The following CRAT variants were observed in gnomAD, a reference collection of about 807,000 sequenced individuals.
CRAT encodes the protein carnitine O-acetyltransferase, also known as carnitine acetylase.
CRAT carries 66 observed loss-of-function variants against 73.7 expected under a neutral mutation model. The observed-to-expected ratio is 0.90, with a 90% CI of 0.73 to 1.10. The LOEUF (loss-of-function observed/expected upper bound fraction) is 1.10. Ranked by LOEUF, CRAT falls within the 50% of genes least tolerant of loss-of-function variation. CRAT has a pLI of 0.00. For missense variants in CRAT, 745 were observed against 846.9 expected, an observed-to-expected ratio of 0.88 and a Z score of 1.49; for synonymous variants, 321 against 343.2, an observed-to-expected ratio of 0.94 and a Z score of 0.71.
intron 8 of CRAT, 22 bp downstream of exon 8, chr9:129,099,844 C>G: frequency 6.4e-7 from 1 of 1,574,212 alleles, no homozygotes; most frequent in Non-Finnish European, 8.7e-7. Flanking sequence ...GGGAACTAGG[C>G]GAGAGATGTG....
chr9:129,101,360 A>G (rs1847661862), intron 6 of CRAT, among the ~76,000 whole-genome samples: 1 of 152,198 alleles, frequency 6.6e-6, no homozygotes. Flanking sequence ...AAGCCAGAAG[A>G]GGCCACGGAG....
rs879217259 is a variant in CRAT at position 129,110,707 on chromosome 9, G to A, written c.-198C>T. The stretch of plus-strand genomic sequence containing the variant: ...GAGCGGGCTGCGGGAAGGCACCCGG[G>A]GAGGAGGACTCGCGAGGCGGGGCCT... On this transcript the variant is annotated 5_prime_UTR_variant, in exon 1 of 14. Transcript: ENST00000318080. The surrounding 1 kb of genome is among the most constrained non-coding windows in gnomAD (Gnocchi z 5.3). 15 of 663,496 alleles carry A rather than the reference G, an allele frequency of 2.3e-5. No homozygotes were observed. Among genetic ancestry groups the A allele is most frequent in the Middle Eastern group, 4.3e-4 (1 of 2,316 alleles). The allele number at this position is 663,496 out of a possible 1,614,324, so 41.1% of individuals were successfully genotyped here.
chr9:129,095,831 C>T (rs905396674), intron 13 of CRAT, among the ~76,000 whole-genome samples, 167 bp downstream of exon 13: 2 of 152,262 alleles, frequency 1.3e-5, no homozygotes, highest in Non-Finnish European at 2.9e-5. Flanking sequence ...ATGAGGAGCA[C>T]TGACCCCTTC....
At chr9:129,109,765 G>A (rs1485059777) in intron 1 of CRAT, among the ~76,000 whole-genome samples, 2 of 152,166 alleles carry the variant, frequency 1.3e-5, no homozygotes, top group African/African-American at 4.8e-5. Flanking sequence ...GACAGAGTGA[G>A]ACACCAGCAA....
chr9:129,108,444 C>T, intron 1 of CRAT: 1 of 1,172,478 alleles, frequency 8.5e-7, no homozygotes, highest in Non-Finnish European at 1.1e-6. Flanking sequence ...TGGTGACTGT[C>T]CCTCTTGGAG....
At chr9:129,104,087 G>T in intron 3 of CRAT, 101 bp downstream of exon 3, 1 of 710,440 alleles carries the variant, frequency 1.4e-6, no homozygotes, top group Non-Finnish European at 2.4e-6. Flanking sequence ...GGCTGCTTGT[G>T]GGGCAGAAAG....
Position 129,095,193 on chromosome 9 carries a change from C to G in CRAT, c.*204G>C. On this transcript the variant is annotated 3_prime_UTR_variant, in exon 14 of 14. Coordinates refer to ENST00000318080, the MANE Select transcript of CRAT (RefSeq NM_000755.5). ...CTCTGCACTCAGCCCCAGGTCGGGCCCTGGCAGGTGCTGGGATGACCCACG... is the reference window on the plus strand; with the variant it reads ...CTCTGCACTCAGCCCCAGGTCGGGCGCTGGCAGGTGCTGGGATGACCCACG... 1.6e-6 allele frequency: 1 copy of G among 621,512 alleles called. No individual in the cohort carries two copies. The highest frequency in any genetic ancestry group is 2.8e-6 in the Non-Finnish European group (1 of 358,116). 38.5% of individuals were successfully genotyped at this position (621,512 alleles called of 1,614,324 possible).
At position 129,103,329 on chromosome 9, in the gene CRAT, C is replaced by A. The variant is rs927772234; in HGVS notation, c.411-263G>T. ...GGCCTAGTAGGACTTGGGTGCTGGC[C>A]CCCTGCAGCTGGAGTGTGGCTTGGT... On this transcript the variant is annotated intron_variant, in intron 3 of 13. Transcript: ENST00000318080. The surrounding 1 kb of genome is among the most constrained non-coding windows in gnomAD (Gnocchi z 4.6). 6.6e-6 allele frequency among the ~76,000 whole-genome samples: 1 copy of A among 152,130 alleles called. No homozygotes were observed. Among genetic ancestry groups the A allele is most frequent in the Non-Finnish European group, 1.5e-5 (1 of 68,014 alleles).
chr9:129,105,423 C>T (rs1229983532), intron 2 of CRAT, among the ~76,000 whole-genome samples: 3 of 152,086 alleles, frequency 2.0e-5, no homozygotes, highest in African/African-American at 4.8e-5. Flanking sequence ...TGCATTCAAG[C>T]GATTCTCTTG....
At chr9:129,101,722 G>A (rs1032647884) in intron 6 of CRAT, among the ~76,000 whole-genome samples, 161 bp downstream of exon 6, 2 of 152,182 alleles carry the variant, frequency 1.3e-5, no homozygotes, top group Non-Finnish European at 2.9e-5. Flanking sequence ...CCTCCATTTT[G>A]CAACTGGCCC....
At chr9:129,102,206 C>T in intron 5 of CRAT, 149 bp from the exon 6 acceptor site, 2 of 1,190,152 alleles carry the variant, frequency 1.7e-6, no homozygotes, top group Non-Finnish European at 2.3e-6. Context: ...GTCCTTGGAT[C>T]ACCCTTCTGG....
Position 129,107,995 on chromosome 9 carries a change from C to T in CRAT, c.110G>A (p.Arg37Gln), listed in dbSNP as rs762135628. ...CTGCTGGAGAGGGGGCACGGGCAGC[C>T]GTGGCAGTGCATCCTGGTGTGCCTT... ...RFKAHQDALPRLPVPPLQQSL... is the reference protein window; with the variant it reads ...RFKAHQDALPQLPVPPLQQSL... The change falls in exon 2 of 14, where the codon CGG (arginine) becomes CAG (glutamine). Residue 37 changes from arginine to glutamine, a missense_variant. Physicochemically the swap from Arg to Gln is conservative, Grantham distance 43. Transcript: ENST00000318080. This position sits in a 1 kb window ranked among gnomAD's most constrained non-coding sequence, Gnocchi z 5.0. 6.9e-6 allele frequency: 11 copies of T among 1,594,440 alleles called. No individual in the cohort carries two copies. Among genetic ancestry groups the T allele is most frequent in the East Asian group, 4.5e-5 (2 of 44,680 alleles).
chr9:129,108,116 C>A (rs760781679), intron 1 of CRAT, 39 bp from the exon 2 acceptor site: 1 of 1,496,100 alleles, frequency 6.7e-7, no homozygotes, highest in African/African-American at 1.4e-5. Flanking sequence ...CCCTCCCCGG[C>A]TCTGGAGCCC....
intron 11 of CRAT, chr9:129,097,791 C>CT: frequency 1.6e-6 from 1 of 615,612 alleles, no homozygotes; most frequent in East Asian, 2.9e-5. Flanking sequence ...AGGGCAGTTG[C>CT]TTACTGCCAA....
At position 129,108,090 on chromosome 9, in the gene CRAT, G is replaced by C; in HGVS notation, c.28-13C>G. ...CCAGAGGCTTCACCTGCAGGTAGCA[G>C]AACATCCTGTTCATTCCCTCCCCGG... On this transcript the variant is annotated splice_polypyrimidine_tract_variant and intron_variant, in intron 1 of 13. Coordinates refer to ENST00000318080, the MANE Select transcript of CRAT (RefSeq NM_000755.5). The C allele has an allele frequency of 6.6e-7, 1 of 1,506,912 alleles. No individual in the cohort carries two copies. The highest frequency in any genetic ancestry group is 1.3e-5 in the South Asian group (1 of 75,600). The allele number at this position is 1,506,912 out of a possible 1,614,324, so 93.3% of individuals were successfully genotyped here. A position where few individuals can be genotyped will look rare whatever the true frequency, so the allele number is the denominator to read the frequency against.
chr9:129,099,316 TAG>T (rs1847507270), intron 8 of CRAT, among the ~76,000 whole-genome samples: 1 of 151,950 alleles, frequency 6.6e-6, no homozygotes, highest in Non-Finnish European at 1.5e-5. Context: ...CTAATTTTTG[TAG>T]AGACAGGGTT....
At chr9:129,104,358 CCT>C (rs767804228) in intron 2 of CRAT, 52 bp from the exon 3 acceptor site, 83 of 1,452,340 alleles carry the variant, frequency 5.7e-5, no homozygotes, top group Non-Finnish European at 7.2e-5. Context: ...CCTGGTGCCC[CCT>C]GTTCCCCAGG....
chr9:129,110,452 G>T lies in CRAT; in HGVS notation c.27+31C>A. On this transcript the variant is annotated intron_variant, in intron 1 of 13. Transcript: ENST00000318080. This position sits in a 1 kb window ranked among gnomAD's most constrained non-coding sequence, Gnocchi z 5.3. ...CGCACGGCCCGCCCAGGCCGTCCAG[G>T]GCCCTCAGGCCCGGGATCCGCCGCA... The T allele has an allele frequency of 6.4e-7, 1 of 1,558,730 alleles. No homozygotes were observed. Among genetic ancestry groups the T allele is most frequent in the East Asian group, 2.5e-5 (1 of 39,466 alleles).
At position 129,101,965 on chromosome 9, in the gene CRAT, T is replaced by C; in HGVS notation, c.723A>G (p.Leu241=). 1 of 1,614,180 alleles carries C rather than the reference T, an allele frequency of 6.2e-7. No individual in the cohort carries two copies. ...VQLEKIWNSS[L]QTNKEPVGIL... ...TGCCCACAGGCTCCTTGTTGGTCTG[T>C]AGGGATGAGTTCCAGATCTTCTCCA... is the stretch of plus-strand genomic sequence containing the variant. Residue 241 remains leucine (L), a synonymous_variant, in exon 6 of 14, where the codon CTA becomes CTG. Transcript: ENST00000318080.
Sources: allele counts gnomAD v4.1 joint callset (sites outside exome capture counted in the v4.1 genomes callset), GRCh38; gene constraint gnomAD v4.1.1; non-coding constraint Gnocchi (gnomAD v3.1); transcripts MANE v1.5; gene names NCBI Gene and HGNC (gene_info 2026-07-23, HGNC 2026-07-21).